The following CACNA1D variants were observed in gnomAD, a reference collection of about 807,000 sequenced individuals.
The protein encoded by CACNA1D is voltage-dependent L-type calcium channel subunit alpha-1D.
CACNA1D carries 55 observed loss-of-function variants against 257.1 expected under a neutral mutation model. The observed-to-expected ratio is 0.21, with a 90% CI of 0.17 to 0.27. The LOEUF is 0.27. Ranked by LOEUF, CACNA1D falls within the 10% of genes least tolerant of loss-of-function variation. The probability of loss-of-function intolerance (pLI) is 1.00; values close to 1 mark genes in which losing one functional copy is unlikely to be tolerated. For synonymous variants in CACNA1D, 980 were observed against 1,014.9 expected, an observed-to-expected ratio of 0.97 and a Z score of 0.65; for missense variants, 1,876 against 2,784.0, an observed-to-expected ratio of 0.67 and a Z score of 7.34.
rs35909723 is a variant in CACNA1D at position 53,725,004 on chromosome 3, C to CTTTTT, written c.2100+1014_2100+1018dup. ...AAATTTCTTTCAGAGAAACTGGTGTCTTTTTTTTTTTTTGGTAATGCATGC... is the reference window on the plus strand; with the variant it reads ...AAATTTCTTTCAGAGAAACTGGTGTCTTTTTTTTTTTTTTTTTTGGTAATGCATGC... On this transcript the variant is annotated intron_variant, in intron 14 of 47. Transcript: ENST00000350061. Among the ~76,000 whole-genome samples, 853 of 145,084 alleles carry CTTTTT rather than the reference C, an allele frequency of 5.9e-3. 12 individuals carry two copies. The highest frequency in any genetic ancestry group is 0.034 in the East Asian group (169 of 5,004).
chr3:53,786,747 C>CA, intron 39 of CACNA1D, 75 bp from the exon 40 acceptor site: 11 of 1,310,918 alleles, frequency 8.4e-6, no homozygotes, highest in Non-Finnish European at 9.7e-6. Context: ...GCCCCTGCCC[C>CA]AGCCAGAAGC....
chr3:53,623,424 AG>A (rs1160351159), intron 3 of CACNA1D, among the ~76,000 whole-genome samples: 2 of 152,328 alleles, frequency 1.3e-5, no homozygotes. Flanking sequence ...AGGGATGACA[AG>A]GTGTGTGATA....
intron 8 of CACNA1D, among the ~76,000 whole-genome samples, chr3:53,701,081 C>T (rs755691848): frequency 6.6e-6 from 1 of 151,670 alleles, no homozygotes; most frequent in South Asian, 2.1e-4. Flanking sequence ...TTCAGCCCCT[C>T]GACAGCCTAG....
chr3:53,757,130 G>A (rs775839147), intron 29 of CACNA1D, among the ~76,000 whole-genome samples: 6 of 152,148 alleles, frequency 3.9e-5, no homozygotes, highest in East Asian at 1.9e-4. Context: ...GGCTCTGTTC[G>A]CTGCTCCAGG....
chr3:53,707,784 T>C (rs1442205477), intron 9 of CACNA1D, among the ~76,000 whole-genome samples: 1 of 146,400 alleles, frequency 6.8e-6, no homozygotes, highest in Non-Finnish European at 1.5e-5. Context: ...TCATTGTCAG[T>C]GATTAGTCTT....
chr3:53,552,538 G>A (rs2092555848), intron 3 of CACNA1D, among the ~76,000 whole-genome samples: 1 of 151,972 alleles, frequency 6.6e-6, no homozygotes. Context: ...GCACCACCAT[G>A]CCTGGCTAAT....
chr3:53,503,482 G>A (rs1455994851), intron 3 of CACNA1D, among the ~76,000 whole-genome samples: 2 of 152,180 alleles, frequency 1.3e-5, no homozygotes, highest in South Asian at 2.1e-4. Flanking sequence ...GTTACTTTTC[G>A]TAGCTCAAGA....
intron 8 of CACNA1D, chr3:53,679,269 T>TAAAAAAAAAAAAA (rs1559504844): frequency 3.1e-4 from 2 of 6,372 alleles, no homozygotes; most frequent in African/African-American, 6.6e-4. Context: ...AAACTCCATC[T>TAAAAAAAAAAAAA]CAAAAAAAAA....
chr3:53,764,359 A>G (rs2095320566), intron 30 of CACNA1D, among the ~76,000 whole-genome samples: 1 of 152,238 alleles, frequency 6.6e-6, no homozygotes, highest in African/African-American at 2.4e-5. Flanking sequence ...AGGTATATTT[A>G]CATGAAAATT....
chr3:53,676,113 A>G (rs1191461239), intron 8 of CACNA1D, among the ~76,000 whole-genome samples: 4 of 152,200 alleles, frequency 2.6e-5, no homozygotes, highest in African/African-American at 9.7e-5. Flanking sequence ...TTAGGCGTTC[A>G]TTATCTCATG....
At chr3:53,808,974 G>A (rs1463691389) in intron 46 of CACNA1D, 2 of 610,754 alleles carry the variant, frequency 3.3e-6, no homozygotes, top group Admixed American at 3.0e-5. Context: ...AGTGACTGCT[G>A]GCATTTGAAT....
chr3:53,496,931 G>T (rs1355865784), intron 1 of CACNA1D, among the ~76,000 whole-genome samples: 1 of 152,180 alleles, frequency 6.6e-6, no homozygotes, highest in African/African-American at 2.4e-5. Flanking sequence ...ATGCAGCGGT[G>T]ATCCTGTGTG....
chr3:53,689,298 A>G (rs1359184154), intron 8 of CACNA1D, among the ~76,000 whole-genome samples: 1 of 151,004 alleles, frequency 6.6e-6, no homozygotes, highest in Non-Finnish European at 1.5e-5. Flanking sequence ...GCTGGTGAGC[A>G]GTGGGCAGAG....
At chr3:53,599,606 C>T (rs1045373753) in intron 3 of CACNA1D, among the ~76,000 whole-genome samples, 3 of 152,262 alleles carry the variant, frequency 2.0e-5, no homozygotes, top group East Asian at 3.8e-4. Flanking sequence ...ATCTCTAAGC[C>T]TCAGTTTTCT....
intron 3 of CACNA1D, among the ~76,000 whole-genome samples, chr3:53,520,488 G>T (rs960522785): frequency 1.3e-5 from 2 of 152,178 alleles, no homozygotes; most frequent in African/African-American, 4.8e-5. Flanking sequence ...GTTTGTGGCA[G>T]GGCATGGTGG....
At position 53,496,808 on chromosome 3, in the gene CACNA1D, A is replaced by G. The variant is rs566349314; in HGVS notation, c.68-344A>G. Among the ~76,000 whole-genome samples the G allele has an allele frequency of 5.3e-5, 8 of 152,302 alleles. 1 individual carries two copies. In the East Asian group the frequency reaches 1.3e-3, roughly 26 times the overall value. On this transcript the variant is annotated intron_variant, in intron 1 of 47. Transcript: ENST00000350061. ...CTCATTAGAGATAGATGGGTTTTAC[A>G]AATCAGAGATGCGGAGTAAATGTGG...
At chr3:53,678,043 C>G (rs567226035) in intron 8 of CACNA1D, among the ~76,000 whole-genome samples, 6 of 152,254 alleles carry the variant, frequency 3.9e-5, no homozygotes, top group Admixed American at 1.3e-4. Context: ...AGAAAAGAAT[C>G]GAATCAATTC....
chr3:53,810,280 G>A lies in CACNA1D; in HGVS notation c.6174G>A (p.Ala2058=), dbSNP rs781755322. Residue 2058 remains alanine, a synonymous_variant, in exon 47 of 48, where the codon GCG becomes GCA. Coordinates refer to ENST00000350061, the MANE Select transcript of CACNA1D (RefSeq NM_001128840.3). ...AAAACAGCGACAAGCAGAGGAGTGC[G>A]GACAGCTTGGTGGAGGCAGTGAGTA... ...RNKNSDKQRS[A]DSLVEAVLIS... is the part of the protein sequence containing the mutation. 6.6e-5 allele frequency: 107 copies of A among 1,613,530 alleles called. No individual in the cohort carries two copies. The highest frequency in any genetic ancestry group is 8.4e-5 in the Non-Finnish European group (99 of 1,180,020).
intron 3 of CACNA1D, among the ~76,000 whole-genome samples, chr3:53,586,961 T>C (rs2093228450): frequency 6.6e-6 from 1 of 152,024 alleles, no homozygotes. Context: ...AGGTGAGACA[T>C]GGATGCTGAG....
Sources: gnomAD v4.1 joint callset for allele counts (sites outside exome capture counted in the v4.1 genomes callset) on GRCh38, gnomAD v4.1.1 for gene constraint, MANE v1.5 for transcripts, NCBI Gene and HGNC (gene_info 2026-07-23, HGNC 2026-07-21) for gene names.